TRMT11: variants seen among roughly 807,000 people sequenced by gnomAD.
TRMT11 encodes the protein tRNA (guanine(10)-N(2))-methyltransferase TRMT11.
In TRMT11, 53 loss-of-function variants were observed where a neutral mutation model predicts 62.8. The observed-to-expected ratio is 0.84, with a 90% CI of 0.68 to 1.06. The LOEUF is 1.06. Ranked by LOEUF, TRMT11 falls within the 50% of genes least tolerant of loss-of-function variation. TRMT11 has a pLI of 0.00. For missense variants in TRMT11, 556 were observed against 553.4 expected (o/e 1.00, Z -0.05); for synonymous variants, 188 against 190.3 (o/e 0.99, Z 0.10).
At chr6:126,064,001 C>T (rs1233808658) in intron 17 of TRMT11, among the ~76,000 whole-genome samples, 1 of 152,102 alleles carries the variant, frequency 6.6e-6, no homozygotes, top group Non-Finnish European at 1.5e-5. Flanking sequence ...CTGTGTCCTG[C>T]AATATGATTT....
chr6:126,181,287 T>C (rs966414036), intron 1 of TRMT11, among the ~76,000 whole-genome samples: 4 of 152,206 alleles, frequency 2.6e-5, no homozygotes, highest in Non-Finnish European at 4.4e-5. Flanking sequence ...GTAGAAATGT[T>C]TCACCTAAAT....
intron 21 of TRMT11, among the ~76,000 whole-genome samples, chr6:126,150,976 G>C (rs1778032030): frequency 6.6e-6 from 1 of 152,096 alleles, no homozygotes; most frequent in Non-Finnish European, 1.5e-5. Context: ...TAGAGCTGGG[G>C]TGTGTTTTCT....
chr6:126,004,073 AC>A lies in TRMT11; in HGVS notation c.680-4318del, dbSNP rs567618483. On this transcript the variant is annotated intron_variant, in intron 7 of 12. Transcript: ENST00000334379. ...TTAATCTTGTTCTTGGACTTTAAAA[AC>A]TTTTTTTGTCAATTGAGAATAATTC... Among the ~76,000 whole-genome samples the A allele has an allele frequency of 2.9e-3, 436 of 152,132 alleles. 3 individuals are homozygous for A. Among genetic ancestry groups the A allele is most frequent in the African/African-American group, 9.9e-3 (410 of 41,514 alleles).
intron 21 of TRMT11, among the ~76,000 whole-genome samples, chr6:126,162,694 G>A (rs1778205381): frequency 6.6e-6 from 1 of 152,160 alleles, no homozygotes; most frequent in Non-Finnish European, 1.5e-5. Context: ...CTATCCATGA[G>A]CATGGAATGT....
chr6:126,048,959 T>C (rs531241831), intron 16 of TRMT11, among the ~76,000 whole-genome samples: 1 of 152,336 alleles, frequency 6.6e-6, no homozygotes, highest in African/African-American at 2.4e-5. Flanking sequence ...CTGTGTCATG[T>C]GTTTGGCTTT....
At chr6:126,268,996 T>A in the TRMT11 span, among the ~76,000 whole-genome samples, 6 of 151,902 alleles carry the variant, frequency 3.9e-5, no homozygotes, top group South Asian at 1.2e-3. Flanking sequence ...GCGCGGTGGC[T>A]CACGCCTGTA....
chr6:125,988,035 A>G (rs1193762598), intron 1 of TRMT11, among the ~76,000 whole-genome samples: 2 of 152,224 alleles, frequency 1.3e-5, no homozygotes, highest in South Asian at 2.1e-4. Flanking sequence ...GCTTGGAAGC[A>G]TTGATATTAA....
chr6:126,224,245 G>T, the TRMT11 span, among the ~76,000 whole-genome samples: 5,075 of 152,306 alleles, frequency 0.033, 248 homozygotes, highest in African/African-American at 0.11. Context: ...CAGGGTTCTG[G>T]CATTCATTTT....
intron 21 of TRMT11, among the ~76,000 whole-genome samples, chr6:126,158,994 C>T (rs114949124): frequency 0.028 from 4,209 of 152,196 alleles, 186 homozygotes; most frequent in African/African-American, 0.097. Context: ...ACTTAGGTGG[C>T]CCCTTGCAGT....
At chr6:126,142,110 T>C (rs1448953639) in intron 21 of TRMT11, among the ~76,000 whole-genome samples, 4 of 152,124 alleles carry the variant, frequency 2.6e-5, no homozygotes, top group Admixed American at 2.0e-4. Flanking sequence ...TTTTTACTGA[T>C]GGAGTTTCCA....
At chr6:126,225,685 ATTTTTTTTTTT>A in the TRMT11 span, among the ~76,000 whole-genome samples, 204 of 95,300 alleles carry the variant, frequency 2.1e-3, 3 homozygotes, top group African/African-American at 8.9e-3. Flanking sequence ...TATGTTTACT[ATTTTTTTTTTT>A]TTTTTTTTTT....
chr6:126,025,012 A>G (rs1476487816), intron 12 of TRMT11, among the ~76,000 whole-genome samples: 1 of 152,236 alleles, frequency 6.6e-6, no homozygotes, highest in Non-Finnish European at 1.5e-5. Context: ...GATATTAGAA[A>G]GTAAAGTAAA....
chr6:126,189,836 A>C (rs111844649), intron 1 of TRMT11, among the ~76,000 whole-genome samples: 1,632 of 152,246 alleles, frequency 0.011, 34 homozygotes, highest in African/African-American at 0.036. Context: ...ATTGTTTTTA[A>C]AAAGTTATTT....
At chr6:126,121,182 T>C (rs989830836) in intron 21 of TRMT11, among the ~76,000 whole-genome samples, 6 of 152,140 alleles carry the variant, frequency 3.9e-5, no homozygotes, top group African/African-American at 1.4e-4. Context: ...CTTACTCAAC[T>C]TTGTATTCCC....
chr6:126,257,164 G>A, the TRMT11 span, among the ~76,000 whole-genome samples: 1 of 151,970 alleles, frequency 6.6e-6, no homozygotes, highest in African/African-American at 2.4e-5. Flanking sequence ...GGGATTACAG[G>A]TGTGAGCCAC....
chr6:126,199,649 G>T (rs1778712187), intron 2 of TRMT11: 2 of 152,242 alleles, frequency 1.3e-5, no homozygotes, highest in Admixed American at 6.5e-5. Flanking sequence ...TAAATCTGCT[G>T]TAAACCAAAA....
intron 21 of TRMT11, among the ~76,000 whole-genome samples, chr6:126,131,823 G>A (rs980360154): frequency 6.6e-6 from 1 of 151,682 alleles, no homozygotes; most frequent in African/African-American, 2.4e-5. Flanking sequence ...CTCAAAAATG[G>A]TCTTTGAAGG....
chr6:126,185,227 G>A (rs1314052455), intron 1 of TRMT11, among the ~76,000 whole-genome samples: 13 of 152,120 alleles, frequency 8.5e-5, no homozygotes, highest in Admixed American at 8.5e-4. Context: ...CTAAGTGAAG[G>A]ATAGAGTCAG....
At chr6:126,009,443 AATGTC>A (rs1483820589) in intron 8 of TRMT11, 1 of 151,992 alleles carries the variant, frequency 6.6e-6, no homozygotes, top group East Asian at 1.9e-4. Context: ...TGGTATTGAA[AATGTC>A]ATTTTATTGA....
Sources: allele counts gnomAD v4.1 joint callset (sites outside exome capture counted in the v4.1 genomes callset), GRCh38; gene constraint gnomAD v4.1.1; transcripts MANE v1.5; gene names NCBI Gene and HGNC (gene_info 2026-07-23, HGNC 2026-07-21).